PPM1B: variants seen among roughly 807,000 people sequenced by gnomAD.
PPM1B encodes protein phosphatase, Mg2+/Mn2+ dependent 1B.
PPM1B carries 22 observed loss-of-function variants against 43.0 expected under a neutral mutation model. That is an observed-to-expected ratio of 0.51 (90% CI 0.37 to 0.73). PPM1B has a LOEUF of 0.73. Among genes scored for constraint, PPM1B ranks in the 30% least tolerant of loss-of-function variants. PPM1B has a pLI of 0.00. For synonymous variants in PPM1B, 217 were observed against 197.9 expected, an observed-to-expected ratio of 1.10 and a Z score of -0.81; for missense variants, 632 against 584.2, an observed-to-expected ratio of 1.08 and a Z score of -0.84.
chr2:44,205,065 G>A (rs1231228595), intron 2 of PPM1B, among the ~76,000 whole-genome samples: 2 of 151,898 alleles, frequency 1.3e-5, no homozygotes, highest in Admixed American at 1.3e-4. Context: ...ACTAATTTCG[G>A]GTTGCTTAAA....
intron 2 of PPM1B, among the ~76,000 whole-genome samples, chr2:44,203,551 C>G (rs1463137601): frequency 6.6e-6 from 1 of 152,074 alleles, no homozygotes; most frequent in Non-Finnish European, 1.5e-5. Flanking sequence ...CAAAATTTTG[C>G]CATCCACCCT....
intron 1 of PPM1B, among the ~76,000 whole-genome samples, chr2:44,192,859 C>T (rs532434152): frequency 4.6e-5 from 7 of 152,292 alleles, no homozygotes; most frequent in South Asian, 4.1e-4. Context: ...AGCATAATAT[C>T]CTCCAGGTTC....
chr2:44,219,827 C>T (rs1377047702), intron 5 of PPM1B, among the ~76,000 whole-genome samples: 2 of 151,824 alleles, frequency 1.3e-5, no homozygotes, highest in African/African-American at 2.4e-5. Flanking sequence ...TCTGTAATCC[C>T]AGCTACTCGG....
At position 44,230,671 on chromosome 2, in the gene PPM1B, A is replaced by G. The variant is rs777338579; in HGVS notation, c.1393A>G (p.Ser465Gly). 7.4e-6 allele frequency: 12 copies of G among 1,613,746 alleles called. No homozygotes were observed. The highest frequency in any genetic ancestry group is 4.2e-6 in the Non-Finnish European group (5 of 1,179,654). ...AGAAAGTGGTCTTGCTGAATTAGAC[A>G]GCTCTAATGAAGATGCAGGGACAAA... ...ESESGLAELD[S>G]SNEDAGTKMS... The change falls in exon 6 of 6, where the codon AGC becomes GGC. Residue 465 changes from serine to glycine, a missense_variant. Coordinates refer to ENST00000282412, the MANE Select transcript of PPM1B (RefSeq NM_002706.6).
intron 1 of PPM1B, among the ~76,000 whole-genome samples, chr2:44,199,673 A>G (rs189352716): frequency 2.1e-3 from 313 of 152,332 alleles, no homozygotes; most frequent in African/African-American, 7.3e-3. Flanking sequence ...AATCAAGCAT[A>G]TTCTGTTACA....
intron 1 of PPM1B, among the ~76,000 whole-genome samples, chr2:44,183,602 A>G (rs531562343): frequency 6.6e-6 from 1 of 152,334 alleles, no homozygotes; most frequent in East Asian, 1.9e-4. Flanking sequence ...TCTTTATTAC[A>G]TAAGTACATT....
chr2:44,227,879 G>A (rs577205985), intron 5 of PPM1B, among the ~76,000 whole-genome samples: 90 of 135,046 alleles, frequency 6.7e-4, no homozygotes, highest in Admixed American at 4.7e-3. Flanking sequence ...CCACCACCCC[G>A]TCTGAGGCAG....
intron 2 of PPM1B, among the ~76,000 whole-genome samples, chr2:44,208,506 A>T (rs1160237389): frequency 1.3e-5 from 2 of 151,950 alleles, no homozygotes; most frequent in Admixed American, 1.3e-4. Flanking sequence ...TGAGGTCAGA[A>T]GTTCAAGACC....
intron 1 of PPM1B, among the ~76,000 whole-genome samples, chr2:44,172,997 C>G (rs920563120): frequency 2.0e-5 from 3 of 152,188 alleles, no homozygotes; most frequent in Non-Finnish European, 4.4e-5. Context: ...ATCCATATTC[C>G]TTTTCTTAAA....
chr2:44,218,662 C>A, intron 5 of PPM1B, 125 bp downstream of exon 5: 1 of 665,680 alleles, frequency 1.5e-6, no homozygotes, highest in Non-Finnish European at 2.5e-6. Context: ...TACTGCTTTT[C>A]ATTTTAAAGT....
At chr2:44,203,195 G>A (rs558310924) in intron 2 of PPM1B, among the ~76,000 whole-genome samples, 3 of 152,236 alleles carry the variant, frequency 2.0e-5, no homozygotes, top group African/African-American at 7.2e-5. Context: ...TTTAAAGGCC[G>A]TTCTTGTCAG....
rs1221865833 is a variant in PPM1B at position 44,201,329 on chromosome 2, G to T, written c.130G>T (p.Val44Leu). ...VEMEDAHTAV[V>L]GIPHGLEDWS... ...AATGGAAGATGCACACACAGCTGTT[G>T]TAGGTATTCCTCACGGCTTGGAAGA... Residue 44 changes from valine (V) to leucine (L), a missense_variant, in exon 2 of 6, where the codon GTA becomes TTA. By Grantham distance (32) the Val-to-Leu change is conservative. Around this residue, in one of 3 missense-constraint regions of PPM1B, gnomAD observed 200 missense variants for 200.7 expected, o/e 1.00. Coordinates refer to ENST00000282412, the MANE Select transcript of PPM1B (RefSeq NM_002706.6). This position sits in a 1 kb window ranked among gnomAD's most constrained non-coding sequence, Gnocchi z 5.4. 2 of 1,614,064 alleles carry T rather than the reference G, an allele frequency of 1.2e-6. No individual in the cohort carries two copies. Among genetic ancestry groups the T allele is most frequent in the African/African-American group, 2.7e-5 (2 of 74,932 alleles).
chr2:44,243,482 C>A (rs1041693223), intron 5 of PPM1B, among the ~76,000 whole-genome samples: 1 of 152,082 alleles, frequency 6.6e-6, no homozygotes, highest in African/African-American at 2.4e-5. Context: ...TAAATATTTA[C>A]ATATATTTTA....
At chr2:44,176,527 G>A (rs992741538) in intron 1 of PPM1B, among the ~76,000 whole-genome samples, 11 of 152,074 alleles carry the variant, frequency 7.2e-5, no homozygotes, top group African/African-American at 2.7e-4. Flanking sequence ...ACTTAACGTC[G>A]TGCCTTTGTT....
rs1034752840 is a variant in PPM1B at position 44,215,335 on chromosome 2, T to G, written c.965-2632T>G. 1.2e-4 allele frequency among the ~76,000 whole-genome samples: 19 copies of G among 152,180 alleles called. No individual in the cohort carries two copies. In the South Asian group the frequency reaches 1.7e-3, roughly 13 times the overall value. ...TTAGCTGAGCATGGTGGTGCACACC[T>G]GTAGTTCCAGCTACTTGAAGACTGA... On this transcript the variant is annotated intron_variant, in intron 3 of 5. Coordinates refer to ENST00000282412, the MANE Select transcript of PPM1B (RefSeq NM_002706.6).
At chr2:44,232,391 A>G (rs1354416384), downstream of PPM1B, 4 of 1,594,586 alleles carry the variant, frequency 2.5e-6, no homozygotes, top group Admixed American at 3.6e-5. Context: ...AATTGGGGGA[A>G]AAAACTTTTA....
chr2:44,201,380 G>C lies in PPM1B; in HGVS notation c.181G>C (p.Gly61Arg). The change falls in exon 2 of 6, where the codon GGT (glycine) becomes CGT (arginine). Residue 61 changes from glycine to arginine, a missense_variant. Coordinates refer to ENST00000282412, the MANE Select transcript of PPM1B (RefSeq NM_002706.6). This position sits in a 1 kb window ranked among gnomAD's most constrained non-coding sequence, Gnocchi z 5.4. ...EDWSFFAVYD[G>R]HAGSRVANYC... ...CTGGTCATTTTTTGCAGTTTATGAT[G>C]GTCATGCTGGATCCCGAGTGGCAAA... The C allele has an allele frequency of 6.2e-7, 1 of 1,614,054 alleles. No individual in the cohort carries two copies. Among genetic ancestry groups the C allele is most frequent in the Non-Finnish European group, 8.5e-7 (1 of 1,179,994 alleles).
At chr2:44,245,501 C>G (rs1670839032), downstream of PPM1B, among the ~76,000 whole-genome samples, 1 of 152,164 alleles carries the variant, frequency 6.6e-6, no homozygotes, top group African/African-American at 2.4e-5. Context: ...AACACTAAGC[C>G]TTGAGAGAGA....
At chr2:44,187,379 G>A (rs991773384) in intron 1 of PPM1B, among the ~76,000 whole-genome samples, 35 of 152,126 alleles carry the variant, frequency 2.3e-4, no homozygotes, top group African/African-American at 8.0e-4. Flanking sequence ...GATCATGGGT[G>A]TACAAATAGA....
Sources: gnomAD v4.1 joint callset for allele counts (sites outside exome capture counted in the v4.1 genomes callset) on GRCh38, gnomAD v4.1.1 for gene constraint, gnomAD v4.1.1 regional missense constraint, Gnocchi (gnomAD v3.1) non-coding constraint, MANE v1.5 for transcripts, NCBI Gene and HGNC (gene_info 2026-07-23, HGNC 2026-07-21) for gene names.